Variants in PTPN9 observed in about 807,000 individuals in gnomAD.
PTPN9 encodes the protein protein tyrosine phosphatase non-receptor type 9.
PTPN9 carries 26 observed loss-of-function variants against 69.8 expected under a neutral mutation model. The observed-to-expected ratio is 0.37, with a 90% CI of 0.27 to 0.52. The LOEUF is 0.52. Among genes scored for constraint, PTPN9 ranks in the 20% least tolerant of loss-of-function variants. The pLI, the probability that PTPN9 is intolerant of heterozygous loss-of-function variation, is 0.91. For synonymous variants in PTPN9, 274 were observed against 272.5 expected, an observed-to-expected ratio of 1.01 and a Z score of -0.05; for missense variants, 549 against 740.3, an observed-to-expected ratio of 0.74 and a Z score of 3.00.
chr15:75,480,382 A>G (rs554763451), intron 8 of PTPN9, among the ~76,000 whole-genome samples: 2 of 152,160 alleles, frequency 1.3e-5, no homozygotes, highest in Non-Finnish European at 2.9e-5. Flanking sequence ...AGGAGGGTGG[A>G]TCACGAGGTC....
At chr15:75,570,018 A>G (rs1048005119) in intron 1 of PTPN9, among the ~76,000 whole-genome samples, 1 of 151,982 alleles carries the variant, frequency 6.6e-6, no homozygotes, top group Non-Finnish European at 1.5e-5. Flanking sequence ...ACGGGATTTC[A>G]TCATGTTGGC....
chr15:75,520,716 A>T (rs958730790), intron 4 of PTPN9, among the ~76,000 whole-genome samples: 2 of 151,950 alleles, frequency 1.3e-5, no homozygotes, highest in African/African-American at 2.4e-5. Flanking sequence ...GGGTTTCACC[A>T]TGTTGGCCAG....
chr15:75,529,274 C>T (rs1020149393), intron 1 of PTPN9, among the ~76,000 whole-genome samples: 20 of 152,186 alleles, frequency 1.3e-4, no homozygotes, highest in African/African-American at 3.9e-4. Context: ...TGTGAGCCAC[C>T]GCACCCAGCC....
intron 1 of PTPN9, among the ~76,000 whole-genome samples, chr15:75,569,122 G>T (rs1344059208): frequency 6.6e-6 from 1 of 152,092 alleles, no homozygotes; most frequent in Non-Finnish European, 1.5e-5. Flanking sequence ...AAGAAAGTAC[G>T]AGAATTGTCT....
intron 1 of PTPN9, among the ~76,000 whole-genome samples, chr15:75,561,230 G>A (rs895221454): frequency 4.0e-5 from 6 of 151,664 alleles, no homozygotes; most frequent in African/African-American, 1.5e-4. Flanking sequence ...CAGGAGAATC[G>A]CTTAAACCCA....
intron 7 of PTPN9, among the ~76,000 whole-genome samples, chr15:75,505,455 A>T (rs1043873510): frequency 6.6e-6 from 1 of 151,056 alleles, no homozygotes; most frequent in Admixed American, 6.6e-5. Flanking sequence ...AATGATCAAT[A>T]AAAAAAATAA....
intron 1 of PTPN9, among the ~76,000 whole-genome samples, chr15:75,558,424 T>C (rs1313225329): frequency 6.6e-6 from 1 of 152,128 alleles, no homozygotes; most frequent in Non-Finnish European, 1.5e-5. Context: ...CGAGAACTGC[T>C]TGAACCTGGG....
At chr15:75,541,171 T>C (rs1366135310) in intron 1 of PTPN9, among the ~76,000 whole-genome samples, 2 of 151,822 alleles carry the variant, frequency 1.3e-5, no homozygotes, top group Admixed American at 1.3e-4. Flanking sequence ...CAGTGTAACC[T>C]TGAAGTCCTA....
intron 8 of PTPN9, among the ~76,000 whole-genome samples, chr15:75,482,954 CAAAA>C (rs775107887): frequency 8.2e-6 from 1 of 122,236 alleles, no homozygotes; most frequent in Non-Finnish European, 1.7e-5. Context: ...GACTCTGTCT[CAAAA>C]AAAAAAAAAA....
At position 75,528,557 on chromosome 15, in the gene PTPN9, TTTTC is replaced by T. The variant is rs1238110719; in HGVS notation, c.64-1300_64-1297del. ...CATATGTCATCACACCCAGTAATTT[TTTTC>T]TTTGTTATTTTTAGTAGAGACAAGG... On this transcript the variant is annotated intron_variant, in intron 1 of 12. Coordinates refer to ENST00000618819, the MANE Select transcript of PTPN9 (RefSeq NM_002833.4). Among the ~76,000 whole-genome samples, 3 of 151,788 alleles carry T rather than the reference TTTTC, an allele frequency of 2.0e-5. 1 individual carries two copies. The highest frequency in any genetic ancestry group is 1.5e-5 in the Non-Finnish European group (1 of 67,924).
At chr15:75,505,326 G>GC (rs2141310643) in intron 7 of PTPN9, among the ~76,000 whole-genome samples, 1 of 149,576 alleles carries the variant, frequency 6.7e-6, no homozygotes, top group East Asian at 2.0e-4. Context: ...ACTGCGGAAG[G>GC]CCGCAGGGTC....
In PTPN9 at chr15:75,530,705, ATAT is replaced by A. The variant is rs1281627410; in HGVS notation, c.64-3447_64-3445del. 3.1e-4 allele frequency among the ~76,000 whole-genome samples: 8 copies of A among 25,974 alleles called. 1 individual carries two copies. The highest frequency in any genetic ancestry group is 0.033 in the Middle Eastern group (1 of 30). 17.0% of individuals were successfully genotyped at this position (25,974 alleles called of 152,430 possible). A position where few individuals can be genotyped will look rare whatever the true frequency, so the allele number is the denominator to read the frequency against. ...TATTATATTATAATATATATAATAT[ATAT>A]TATTATATAATATATATAATATATA... On this transcript the variant is annotated intron_variant, in intron 1 of 12. Coordinates refer to ENST00000618819, the MANE Select transcript of PTPN9 (RefSeq NM_002833.4).
rs2075185721 is a variant in PTPN9, at chr15:75,578,772, TCCATCCCC to T, written c.-4_4del. 7.9e-7 allele frequency: 1 copy of T among 1,259,024 alleles called. No homozygotes were observed. Among genetic ancestry groups the T allele is most frequent in the Non-Finnish European group, 1.0e-6 (1 of 1,003,488 alleles). 78.0% of individuals were successfully genotyped at this position (1,259,024 alleles called of 1,614,324 possible). ...GTCGGGCCGGGGCGCGGTCGCGGGC[TCCATCCCC>T]CCGCCACCGCCGCCGGGCGGACAAA... On this transcript the variant is annotated start_lost and 5_prime_UTR_variant, in exon 1 of 13. Transcript: ENST00000618819.
intron 5 of PTPN9, among the ~76,000 whole-genome samples, chr15:75,515,706 T>C (rs1012341279): frequency 6.6e-6 from 1 of 152,000 alleles, no homozygotes; most frequent in Non-Finnish European, 1.5e-5. Context: ...GAGACCAGCC[T>C]GGCCAACGTG....
chr15:75,521,825 G>A (rs769457995), intron 4 of PTPN9, among the ~76,000 whole-genome samples: 2 of 152,204 alleles, frequency 1.3e-5, no homozygotes, highest in African/African-American at 4.8e-5. Context: ...GGATGTTCAC[G>A]ATACCATTCT....
chr15:75,482,774 TAAA>T (rs1323913652), intron 8 of PTPN9, among the ~76,000 whole-genome samples: 2 of 147,554 alleles, frequency 1.4e-5, no homozygotes, highest in South Asian at 2.1e-4. Flanking sequence ...GAATTATCAA[TAAA>T]AAAATAAATT....
chr15:75,500,502 C>T (rs2074767144), intron 7 of PTPN9, among the ~76,000 whole-genome samples: 1 of 152,042 alleles, frequency 6.6e-6, no homozygotes, highest in Non-Finnish European at 1.5e-5. Context: ...CATACCATTG[C>T]ACTCCAGCCT....
chr15:75,498,526 C>T (rs758764408), intron 7 of PTPN9, among the ~76,000 whole-genome samples: 3 of 151,768 alleles, frequency 2.0e-5, no homozygotes, highest in African/African-American at 4.8e-5. Context: ...ATCAGCCTGG[C>T]CAACATGGTG....
intron 6 of PTPN9, among the ~76,000 whole-genome samples, chr15:75,507,730 G>A (rs1370471229): frequency 6.6e-6 from 1 of 151,404 alleles, no homozygotes; most frequent in Non-Finnish European, 1.5e-5. Context: ...TCGCTTCACT[G>A]CACTCCAGCC....
Sources: gnomAD v4.1 joint callset for allele counts (sites outside exome capture counted in the v4.1 genomes callset) on GRCh38, gnomAD v4.1.1 for gene constraint, MANE v1.5 for transcripts, NCBI Gene and HGNC (gene_info 2026-07-23, HGNC 2026-07-21) for gene names.